Variants in VAV3 observed in about 807,000 individuals in gnomAD.
VAV3 encodes guanine nucleotide exchange factor VAV3.
VAV3 carries 94 observed loss-of-function variants against 131.2 expected under a neutral mutation model. The observed-to-expected ratio is 0.72, with a 90% CI of 0.61 to 0.85. The LOEUF (loss-of-function observed/expected upper bound fraction) is 0.85, where lower values mean the gene tolerates loss of function less well. Among genes scored for constraint, VAV3 ranks in the 40% least tolerant of loss-of-function variants. The pLI is 0.00. For synonymous variants in VAV3, 349 were observed against 342.0 expected, an observed-to-expected ratio of 1.02 and a Z score of -0.22; for missense variants, 939 against 1,002.7, an observed-to-expected ratio of 0.94 and a Z score of 0.86.
chr1:107,688,093 C>A (rs181318575), intron 18 of VAV3, among the ~76,000 whole-genome samples: 45 of 152,260 alleles, frequency 3.0e-4, no homozygotes, highest in Admixed American at 1.3e-3. Context: ...CAACTTCTGG[C>A]GATAAGGGCC....
intron 1 of VAV3, among the ~76,000 whole-genome samples, chr1:107,952,485 T>TATATATATATATATATATATATAC (rs1317970944): frequency 4.2e-5 from 4 of 94,446 alleles, no homozygotes; most frequent in East Asian, 3.3e-4. Context: ...TATATATATA[T>TATATATATATATATATATATATAC]ACACACATAA....
intron 1 of VAV3, among the ~76,000 whole-genome samples, chr1:107,894,937 T>G: frequency 6.6e-6 from 1 of 152,224 alleles, no homozygotes. Flanking sequence ...GCAGTCATGT[T>G]TGCTTTAACA....
At chr1:107,805,256 G>A (rs908450398) in intron 2 of VAV3, among the ~76,000 whole-genome samples, 3 of 151,776 alleles carry the variant, frequency 2.0e-5, no homozygotes, top group Non-Finnish European at 4.4e-5. Context: ...TCTACTCCTC[G>A]CTCTTCTTCA....
chr1:107,717,236 C>A (rs1661161014), intron 15 of VAV3, among the ~76,000 whole-genome samples: 1 of 152,132 alleles, frequency 6.6e-6, no homozygotes, highest in Admixed American at 6.5e-5. Context: ...TCTCTATTTC[C>A]TTTAGTTCTG....
At chr1:107,790,141 G>T (rs1180864258) in intron 2 of VAV3, among the ~76,000 whole-genome samples, 3 of 152,250 alleles carry the variant, frequency 2.0e-5, no homozygotes, top group Non-Finnish European at 4.4e-5. Flanking sequence ...GAAGCCCATG[G>T]CCTCTTCAGT....
intron 2 of VAV3, among the ~76,000 whole-genome samples, chr1:107,836,078 A>G (rs1056081004): frequency 6.6e-6 from 1 of 152,220 alleles, no homozygotes; most frequent in African/African-American, 2.4e-5. Flanking sequence ...ACAAAATAAT[A>G]GTGAAAGATG....
chr1:107,688,744 T>C (rs1211189056), intron 17 of VAV3, among the ~76,000 whole-genome samples: 1 of 152,208 alleles, frequency 6.6e-6, no homozygotes, highest in African/African-American at 2.4e-5. Flanking sequence ...GAAAGCTAAA[T>C]GCAACCTTTC....
At chr1:107,613,824 T>C (rs1013821993) in intron 21 of VAV3, among the ~76,000 whole-genome samples, 1 of 152,264 alleles carries the variant, frequency 6.6e-6, no homozygotes, top group South Asian at 2.1e-4. Context: ...TGAATTTTCA[T>C]TGGGAGAATA....
rs575153320 is a variant in VAV3, at chr1:107,660,932, C to G, written c.1778-18177G>C. Among the ~76,000 whole-genome samples, 4 of 152,062 alleles carry G rather than the reference C, an allele frequency of 2.6e-5. No individual in the cohort carries two copies. The East Asian group carries it at 7.7e-4, about 29-fold the overall frequency. On this transcript the variant is annotated intron_variant, in intron 19 of 26. Transcript: ENST00000370056. ...AAGTGTTCAGGGAAGGCACAATGTT[C>G]AAACATATGGTTGAGGGAAAAAATC...
chr1:107,813,001 T>C (rs1216153067), intron 2 of VAV3, among the ~76,000 whole-genome samples: 1 of 151,580 alleles, frequency 6.6e-6, no homozygotes, highest in Non-Finnish European at 1.5e-5. Flanking sequence ...CACGCACCTG[T>C]AGTCCCAGCT....
Position 107,843,365 on chromosome 1 carries a change from A to AATATATAT in VAV3, c.321+31528_321+31535dup, listed in dbSNP as rs34150658. 4.6e-3 allele frequency among the ~76,000 whole-genome samples: 644 copies of AATATATAT among 139,938 alleles called. 4 individuals carry two copies. Among genetic ancestry groups the AATATATAT allele is most frequent in the Admixed American group, 0.011 (159 of 13,832 alleles). 91.8% of individuals were successfully genotyped at this position (139,938 alleles called of 152,430 possible). Reference sequence around the variant, plus strand: ...TATGTGAAGCCCTTAGCACAACACAAATATATATATATATATATATATATA... The same window carrying AATATATAT: ...TATGTGAAGCCCTTAGCACAACACAAATATATATATATATATATATATATATATATATA... On this transcript the variant is annotated intron_variant, in intron 2 of 26. Transcript: ENST00000370056.
chr1:107,828,098 T>C (rs777749804), intron 2 of VAV3, among the ~76,000 whole-genome samples: 6 of 152,174 alleles, frequency 3.9e-5, no homozygotes, highest in Non-Finnish European at 8.8e-5. Context: ...GTGAGTGAAT[T>C]TGAAGGGCTA....
At chr1:107,750,514 G>A (rs1213710252) in intron 13 of VAV3, among the ~76,000 whole-genome samples, 1 of 152,138 alleles carries the variant, frequency 6.6e-6, no homozygotes, top group East Asian at 1.9e-4. Flanking sequence ...TCCCAGAGAG[G>A]TTTAAAGGAC....
intron 15 of VAV3, among the ~76,000 whole-genome samples, chr1:107,726,552 C>T (rs1661853710): frequency 7.9e-6 from 1 of 126,226 alleles, no homozygotes; most frequent in Non-Finnish European, 1.8e-5. Flanking sequence ...ATCAAAAAGC[C>T]TTCTTCACTA....
intron 20 of VAV3, among the ~76,000 whole-genome samples, chr1:107,633,322 A>G (rs1474320872): frequency 6.6e-6 from 1 of 152,222 alleles, no homozygotes; most frequent in African/African-American, 2.4e-5. Flanking sequence ...CTAAGCATAC[A>G]TTAGGCATGG....
intron 1 of VAV3, among the ~76,000 whole-genome samples, chr1:107,918,705 A>ATATTT (rs1274987055): frequency 1.5e-3 from 112 of 76,992 alleles, no homozygotes; most frequent in African/African-American, 4.7e-3. Context: ...ATATATATAT[A>ATATTT]TTTTTTTTTT....
At chr1:107,741,683 A>G (rs1663032733) in intron 15 of VAV3, among the ~76,000 whole-genome samples, 1 of 152,230 alleles carries the variant, frequency 6.6e-6, no homozygotes, top group Non-Finnish European at 1.5e-5. Flanking sequence ...GCCACAGTGA[A>G]TCAAGAACAT....
chr1:107,667,437 T>C (rs1312845048), intron 19 of VAV3, among the ~76,000 whole-genome samples: 1 of 152,190 alleles, frequency 6.6e-6, no homozygotes, highest in Non-Finnish European at 1.5e-5. Flanking sequence ...ATGCCTGTAA[T>C]GGGGTAGCAA....
intron 1 of VAV3, among the ~76,000 whole-genome samples, chr1:107,936,219 T>C (rs1226724327): frequency 6.6e-6 from 1 of 152,158 alleles, no homozygotes; most frequent in Non-Finnish European, 1.5e-5. Context: ...TGAAAATAAT[T>C]TGAATAATCA....
Sources: allele counts gnomAD v4.1 joint callset (sites outside exome capture counted in the v4.1 genomes callset), GRCh38; gene constraint gnomAD v4.1.1; transcripts MANE v1.5; gene names NCBI Gene and HGNC (gene_info 2026-07-23, HGNC 2026-07-21).